The following VXN variants were observed in gnomAD, a reference collection of about 807,000 sequenced individuals.
The protein encoded by VXN is vexin.
In VXN, 7 loss-of-function variants were observed where a neutral mutation model predicts 23.1. That is an observed-to-expected ratio of 0.30 (90% CI 0.17 to 0.57). The LOEUF (loss-of-function observed/expected upper bound fraction) is 0.57. VXN is among the 20% of genes least tolerant of loss of function. VXN has a pLI of 0.91. For missense variants in VXN, 238 were observed against 272.6 expected (o/e 0.87, Z 0.89); for synonymous variants, 120 against 105.8 (o/e 1.13, Z -0.83).
chr8:66,515,150 C>G (rs749456816), intron 5 of VXN, among the ~76,000 whole-genome samples: 1 of 152,192 alleles, frequency 6.6e-6, no homozygotes, highest in South Asian at 2.1e-4. Flanking sequence ...CTGGTGTAAA[C>G]CAGCAAAAAT....
At chr8:66,515,060 A>G (rs1464008677) in intron 5 of VXN, among the ~76,000 whole-genome samples, 2 of 152,264 alleles carry the variant, frequency 1.3e-5, no homozygotes, top group Non-Finnish European at 2.9e-5. Context: ...TATATCCAAT[A>G]AATATCCAAA....
At chr8:66,501,962 C>T (rs1326417935) in intron 2 of VXN, among the ~76,000 whole-genome samples, 2 of 152,168 alleles carry the variant, frequency 1.3e-5, no homozygotes, top group African/African-American at 2.4e-5. Flanking sequence ...ACCATATTTA[C>T]AACTTCCTAT....
At chr8:66,508,530 G>A (rs1807785514) in intron 3 of VXN, among the ~76,000 whole-genome samples, 1 of 152,144 alleles carries the variant, frequency 6.6e-6, no homozygotes, top group African/African-American at 2.4e-5. Flanking sequence ...TGAGCTGGGG[G>A]TAGTTCTGTG....
chr8:66,497,194 C>T (rs1196093635), intron 2 of VXN, among the ~76,000 whole-genome samples: 1 of 152,062 alleles, frequency 6.6e-6, no homozygotes, highest in African/African-American at 2.4e-5. Context: ...AAATACTATT[C>T]TTTTGGATTA....
intron 3 of VXN, 126 bp downstream of exon 3, chr8:66,505,654 G>A: frequency 5.1e-6 from 6 of 1,184,370 alleles, no homozygotes; most frequent in Non-Finnish European, 6.8e-6. Context: ...AGGTGACCAA[G>A]CACCTGTGCT....
At chr8:66,506,603 C>T (rs978291068) in intron 3 of VXN, among the ~76,000 whole-genome samples, 3 of 152,082 alleles carry the variant, frequency 2.0e-5, no homozygotes, top group Non-Finnish European at 2.9e-5. Flanking sequence ...CTTCTGAAAG[C>T]CTTCGGGCGT....
At chr8:66,494,203 G>T (rs929251384) in intron 1 of VXN, among the ~76,000 whole-genome samples, 1 of 152,168 alleles carries the variant, frequency 6.6e-6, no homozygotes, top group African/African-American at 2.4e-5. Flanking sequence ...CCCTGACCCT[G>T]GGCTGGCTTC....
At chr8:66,512,616 G>A (rs1301955535) in intron 4 of VXN, among the ~76,000 whole-genome samples, 1 of 152,156 alleles carries the variant, frequency 6.6e-6, no homozygotes, top group Non-Finnish European at 1.5e-5. Context: ...CCTTTGGGAG[G>A]GCTGAGGAGG....
chr8:66,498,928 C>T (rs1304307515), intron 2 of VXN: 2 of 382,816 alleles, frequency 5.2e-6, no homozygotes, highest in East Asian at 1.5e-4. Flanking sequence ...GGTATGTAGA[C>T]TTCAGAGTCA....
chr8:66,503,680 C>G (rs940877240), intron 2 of VXN, among the ~76,000 whole-genome samples: 1 of 152,194 alleles, frequency 6.6e-6, no homozygotes, highest in Non-Finnish European at 1.5e-5. Context: ...TCCTAATTCT[C>G]TAATCTTGCT....
At chr8:66,496,770 C>T (rs1362174845) in intron 2 of VXN, among the ~76,000 whole-genome samples, 2 of 152,158 alleles carry the variant, frequency 1.3e-5, no homozygotes, top group Non-Finnish European at 2.9e-5. Context: ...CTTGTTTAAA[C>T]AGAGTTCACG....
chr8:66,503,490 T>A lies in VXN; in HGVS notation c.127-1885T>A, dbSNP rs541673393. ...GGCTTGTGTGTTAGCCCGTGTCTTC[T>A]GCTTTTCCTATCTTGACCTCTCTAT... On this transcript the variant is annotated intron_variant, in intron 2 of 5. Transcript: ENST00000305454. 5 of 152,244 alleles carry A rather than the reference T, an allele frequency of 3.3e-5. No homozygotes were observed. The East Asian group carries it at 7.7e-4, about 23-fold the overall frequency. The allele number at this position is 152,244 out of a possible 1,614,324, so 9.4% of individuals were successfully genotyped here.
At chr8:66,506,004 G>C (rs1260729068) in intron 3 of VXN, among the ~76,000 whole-genome samples, 1 of 151,966 alleles carries the variant, frequency 6.6e-6, no homozygotes, top group African/African-American at 2.4e-5. Flanking sequence ...GGCTGGTCTC[G>C]AACTCCTGAA....
intron 5 of VXN, among the ~76,000 whole-genome samples, 178 bp from the exon 6 acceptor site, chr8:66,515,715 C>A (rs920538021): frequency 1.3e-5 from 2 of 152,228 alleles, no homozygotes; most frequent in African/African-American, 2.4e-5. Flanking sequence ...CCATGGGAAG[C>A]TTTCCCCAAG....
chr8:66,496,595 G>T lies in VXN; in HGVS notation c.126+103G>T. 3.7e-6 allele frequency: 4 copies of T among 1,075,306 alleles called. No individual in the cohort carries two copies. The South Asian group carries it at 3.8e-5, about 10-fold the overall frequency. The allele number at this position is 1,075,306 out of a possible 1,614,324, so 66.6% of individuals were successfully genotyped here. A position where few individuals can be genotyped will look rare whatever the true frequency, so the allele number is the denominator to read the frequency against. ...CTCCCCAGCTCTCAGTGGCCAGGAG[G>T]GTTTCAGTGTTCCATGTGGTGCGTG... On this transcript the variant is annotated intron_variant, in intron 2 of 5. Coordinates refer to ENST00000305454, the MANE Select transcript of VXN (RefSeq NM_152765.4).
At chr8:66,515,871 C>A (rs1468616262) in intron 5 of VXN, 22 bp from the exon 6 acceptor site, 3 of 1,539,524 alleles carry the variant, frequency 1.9e-6, no homozygotes, top group Non-Finnish European at 1.7e-6. Context: ...ACCCTCCCCA[C>A]CCACTCCTGG....
At chr8:66,509,808 C>A (rs1182304069) in intron 3 of VXN, among the ~76,000 whole-genome samples, 1 of 152,098 alleles carries the variant, frequency 6.6e-6, no homozygotes. Context: ...CCCCCTCATA[C>A]AAGCACAGCC....
chr8:66,509,757 A>C (rs1247751119), intron 3 of VXN, among the ~76,000 whole-genome samples: 3 of 152,218 alleles, frequency 2.0e-5, no homozygotes, highest in Non-Finnish European at 4.4e-5. Flanking sequence ...GTATACAGCA[A>C]AATTGAGCTG....
intron 2 of VXN, chr8:66,503,351 T>C (rs191199310): frequency 6.6e-6 from 1 of 152,274 alleles, no homozygotes; most frequent in Admixed American, 6.5e-5. Flanking sequence ...CCCCAAAGCA[T>C]TGTAATTCTC....
Sources: gnomAD v4.1 joint callset for allele counts (sites outside exome capture counted in the v4.1 genomes callset) on GRCh38, gnomAD v4.1.1 for gene constraint, MANE v1.5 for transcripts, NCBI Gene and HGNC (gene_info 2026-07-23, HGNC 2026-07-21) for gene names.